Variants in IQCF1 observed in about 807,000 individuals in gnomAD.
The protein encoded by IQCF1 is IQ motif containing F1, also known as IQ domain-containing protein F1.
A neutral mutation model predicts 12.5 loss-of-function variants in IQCF1; 9 were observed. The observed-to-expected ratio is 0.72, with a 90% confidence interval of 0.43 to 1.26. The LOEUF (loss-of-function observed/expected upper bound fraction) is 1.26. Among genes scored for constraint, IQCF1 ranks in the 50% most tolerant of loss-of-function variants. The pLI, the probability that IQCF1 is intolerant of heterozygous loss-of-function variation, is 0.00. For missense variants in IQCF1, 252 were observed against 257.4 expected, an observed-to-expected ratio of 0.98 and a Z score of 0.14; for synonymous variants, 67 against 96.2, an observed-to-expected ratio of 0.70 and a Z score of 1.78.
intron 2 of IQCF1, among the ~76,000 whole-genome samples, chr3:51,897,776 G>A (rs1287562004): frequency 6.6e-6 from 1 of 152,198 alleles, no homozygotes; most frequent in Non-Finnish European, 1.5e-5. Context: ...AGTGTTGTTC[G>A]TGTGGACAGT....
rs1326418463 is a variant in IQCF1, at chr3:51,895,231, G to C, written c.277C>G (p.Leu93Val). 1 of 1,614,184 alleles carries C rather than the reference G, an allele frequency of 6.2e-7. No individual in the cohort carries two copies. The highest frequency in any genetic ancestry group is 1.1e-5 in the South Asian group (1 of 91,076). ...LVRRALLHAA[L>V]SACIIQCWWR... ...CAGCACTGAATGATGCAGGCACTGA[G>C]GGCTGCGTGCAACAGTGCCCGACGC... The change falls in exon 4 of 4, where the codon CTC (leucine) becomes GTC (valine). Residue 93 changes from leucine (L) to valine (V), a missense_variant. Leu to Val is a conservative substitution (Grantham distance 32). Coordinates refer to ENST00000310914, the MANE Select transcript of IQCF1 (RefSeq NM_152397.3). This position sits in a 1 kb window ranked among gnomAD's most constrained non-coding sequence, Gnocchi z 4.8.
At chr3:51,896,173 G>A (rs1404379151) in intron 3 of IQCF1, among the ~76,000 whole-genome samples, 4 of 152,150 alleles carry the variant, frequency 2.6e-5, no homozygotes, top group African/African-American at 9.7e-5. Flanking sequence ...GACACTACAA[G>A]ACTTCAAAAG....
At chr3:51,899,976 G>A (rs1248323764) in intron 2 of IQCF1, among the ~76,000 whole-genome samples, 1 of 152,068 alleles carries the variant, frequency 6.6e-6, no homozygotes, top group Non-Finnish European at 1.5e-5. Context: ...AGGCACCAAG[G>A]ACAATAAAGT....
At chr3:51,902,524 C>G (rs146523508) in intron 2 of IQCF1, among the ~76,000 whole-genome samples, 11 of 152,188 alleles carry the variant, frequency 7.2e-5, no homozygotes, top group South Asian at 2.1e-4. Context: ...CCTACTCCCC[C>G]CTGACTCATT....
In IQCF1 at chr3:51,895,284, A is replaced by G; in HGVS notation, c.224T>C (p.Ile75Thr). The G allele has an allele frequency of 1.9e-6, 3 of 1,614,036 alleles. No homozygotes were observed. The highest frequency in any genetic ancestry group is 2.5e-6 in the Non-Finnish European group (3 of 1,179,954). The change falls in exon 4 of 4, where the codon ATC becomes ACC. Residue 75 changes from isoleucine to threonine, a missense_variant. Physicochemically the swap from Ile to Thr is moderately conservative, Grantham distance 89. Coordinates refer to ENST00000310914, the MANE Select transcript of IQCF1 (RefSeq NM_152397.3). The surrounding 1 kb of genome is among the most constrained non-coding windows in gnomAD (Gnocchi z 4.8). ...CAGGGTGCCCCGCCACCAGGCCTGG[A>G]TCTTGGTGGCTACCGTATCTTTGTC... ...LSDKDTVATK[I>T]QAWWRGTLVR...
intron 2 of IQCF1, among the ~76,000 whole-genome samples, chr3:51,898,024 T>A (rs1699031841): frequency 6.6e-6 from 1 of 152,062 alleles, no homozygotes; most frequent in Non-Finnish European, 1.5e-5. Flanking sequence ...CCTCCAGTAG[T>A]AAGAAAAATA....
intron 2 of IQCF1, among the ~76,000 whole-genome samples, chr3:51,898,157 G>A (rs1312435861): frequency 6.6e-6 from 1 of 152,096 alleles, no homozygotes; most frequent in Non-Finnish European, 1.5e-5. Context: ...GGCAGAGGCA[G>A]GGAAAGACCA....
intron 2 of IQCF1, among the ~76,000 whole-genome samples, chr3:51,899,408 G>C (rs937760516): frequency 6.6e-6 from 1 of 152,130 alleles, no homozygotes; most frequent in Non-Finnish European, 1.5e-5. Context: ...AAGTAATTAG[G>C]CCTCCTGAAT....
Position 51,903,309 on chromosome 3 carries a change from C to T in IQCF1, c.-37G>A. Reference sequence around the variant, plus strand: ...GGATTGATTGTAGATGGTTCAAATCCCCTCACATCTGTGTTCATCCAGCCA... The same window carrying T: ...GGATTGATTGTAGATGGTTCAAATCTCCTCACATCTGTGTTCATCCAGCCA... On this transcript the variant is annotated 5_prime_UTR_variant, in exon 1 of 4. Coordinates refer to ENST00000310914, the MANE Select transcript of IQCF1 (RefSeq NM_152397.3). The T allele has an allele frequency of 6.2e-7, 1 of 1,613,042 alleles. No homozygotes were observed.
Position 51,896,853 on chromosome 3 carries a change from A to C in IQCF1, c.150T>G (p.Asn50Lys). The C allele has an allele frequency of 6.2e-7, 1 of 1,613,346 alleles. No individual in the cohort carries two copies. Among genetic ancestry groups the C allele is most frequent in the Non-Finnish European group, 8.5e-7 (1 of 1,179,418 alleles). Residue 50 changes from asparagine (N) to lysine (K), a missense_variant, in exon 3 of 4, where the codon AAT (asparagine) becomes AAG (lysine). Asn to Lys is a moderately conservative substitution (Grantham distance 94). Coordinates refer to ENST00000310914, the MANE Select transcript of IQCF1 (RefSeq NM_152397.3). ...ATACTTTTTCTGATTTCTCATTGGC[A>C]TTGTCCACTGTCTGTGTCTCAACCA... ...PVLVETQTVDNANEKSEKPPE... is the reference protein window; with the variant it reads ...PVLVETQTVDKANEKSEKPPE...
intron 3 of IQCF1, 56 bp downstream of exon 3, chr3:51,896,776 A>T (rs1699009259): frequency 1.5e-6 from 2 of 1,336,180 alleles, no homozygotes; most frequent in African/African-American, 2.9e-5. Context: ...ATTCCATTCC[A>T]CCAGCACAGC....
At chr3:51,902,307 A>G (rs928492751) in intron 2 of IQCF1, among the ~76,000 whole-genome samples, 2 of 152,200 alleles carry the variant, frequency 1.3e-5, no homozygotes, top group Admixed American at 1.3e-4. Context: ...CAAGCAGAAC[A>G]TCTAAGCCAA....
At position 51,894,947 on chromosome 3, in the gene IQCF1, C is replaced by G. The variant is rs1224030573; in HGVS notation, c.561G>C (p.Leu187Phe). The change falls in exon 4 of 4, where the codon TTG (leucine) becomes TTC (phenylalanine). Residue 187 changes from leucine to phenylalanine, a missense_variant. Transcript: ENST00000310914. ...ANQLHLQLEI[L>F]LDSGPCIVTE... The stretch of plus-strand genomic sequence containing the variant: ...TCACAATGCAAGGCCCTGAGTCCAG[C>G]AAGATCTCCAGCTGGAGATGCAGCT... The G allele has an allele frequency of 6.2e-7, 1 of 1,614,202 alleles. No individual in the cohort carries two copies. Among genetic ancestry groups the G allele is most frequent in the Admixed American group, 1.7e-5 (1 of 60,034 alleles).
intron 2 of IQCF1, among the ~76,000 whole-genome samples, chr3:51,899,207 T>TG (rs1024642920): frequency 5.3e-5 from 8 of 151,352 alleles, no homozygotes; most frequent in Non-Finnish European, 1.2e-4. Flanking sequence ...AAAAAGGGGG[T>TG]GGGGGGAGAA....
chr3:51,898,092 G>A (rs1171498039), intron 2 of IQCF1, among the ~76,000 whole-genome samples: 1 of 152,098 alleles, frequency 6.6e-6, no homozygotes, highest in Non-Finnish European at 1.5e-5. Flanking sequence ...CACTCCCAAC[G>A]GTACCTCCCC....
chr3:51,901,033 G>A (rs974025100), intron 2 of IQCF1, among the ~76,000 whole-genome samples: 8 of 152,206 alleles, frequency 5.3e-5, no homozygotes, highest in South Asian at 4.1e-4. Context: ...GATAGCTATC[G>A]TAGAAGCGAA....
intron 2 of IQCF1, 29 bp from the exon 3 acceptor site, chr3:51,896,923 A>G (rs1699011444): frequency 1.3e-6 from 2 of 1,566,594 alleles, no homozygotes; most frequent in Non-Finnish European, 1.8e-6. Context: ...AAGAGAACAG[A>G]CAAGATTGAG....
intron 2 of IQCF1, 45 bp downstream of exon 2, chr3:51,902,940 A>C: frequency 7.2e-7 from 1 of 1,393,458 alleles, no homozygotes; most frequent in East Asian, 2.3e-5. Flanking sequence ...AGCTACTAGC[A>C]CTAGGACATG....
In IQCF1 at chr3:51,895,383, T is replaced by G; in HGVS notation, c.172-47A>C. The stretch of plus-strand genomic sequence containing the variant: ...CCTTCAGAGAATGCTCCCCACTGGC[T>G]TCAGCTCTGGGGTGTGCCAGGAAAG... On this transcript the variant is annotated intron_variant, in intron 3 of 3. Coordinates refer to ENST00000310914, the MANE Select transcript of IQCF1 (RefSeq NM_152397.3). The surrounding 1 kb of genome is among the most constrained non-coding windows in gnomAD (Gnocchi z 4.8). 1 of 1,530,288 alleles carries G rather than the reference T, an allele frequency of 6.5e-7. No individual in the cohort carries two copies. The allele number at this position is 1,530,288 out of a possible 1,614,324, so 94.8% of individuals were successfully genotyped here.
Sources: allele counts gnomAD v4.1 joint callset (sites outside exome capture counted in the v4.1 genomes callset), GRCh38; gene constraint gnomAD v4.1.1; non-coding constraint Gnocchi (gnomAD v3.1); transcripts MANE v1.5; gene names NCBI Gene and HGNC (gene_info 2026-07-23, HGNC 2026-07-21).